HPSE2: variants seen among roughly 807,000 people sequenced by gnomAD.
HPSE2 encodes the protein inactive heparanase-2.
Under a neutral mutation model 60.5 loss-of-function variants are expected in HPSE2, and 38 were observed. That is an observed-to-expected ratio of 0.63 (90% CI 0.48 to 0.82). The LOEUF is 0.82. Ranked by LOEUF, HPSE2 falls within the 40% of genes least tolerant of loss-of-function variation. The pLI is 0.00. For missense variants in HPSE2, 713 were observed against 740.4 expected (o/e 0.96, Z 0.43); for synonymous variants, 295 against 293.2 (o/e 1.01, Z -0.06).
At position 98,482,674 on chromosome 10, in the gene HPSE2, G is replaced by A. The variant is rs767446891; in HGVS notation, c.1575C>T (p.Tyr525=). ...CCTCCTGCCCATAGGGCTGCAGCAG[G>A]TACTGGTGAACCAGCTTGTCTCTGA... The part of the protein sequence containing the change: ...GTLRDKLVHQ[Y]LLQPYGQEGL... The change falls in exon 11 of 12, where the codon TAC becomes TAT. Residue 525 remains tyrosine, a synonymous_variant. Coordinates refer to ENST00000370552, the MANE Select transcript of HPSE2 (RefSeq NM_021828.5). 1 of 1,614,186 alleles carries A rather than the reference G, an allele frequency of 6.2e-7. No homozygotes were observed. The highest frequency in any genetic ancestry group is 8.5e-7 in the Non-Finnish European group (1 of 1,180,038).
At chr10:98,811,196 C>G (rs1951161545) in intron 3 of HPSE2, among the ~76,000 whole-genome samples, 1 of 152,104 alleles carries the variant, frequency 6.6e-6, no homozygotes, top group Non-Finnish European at 1.5e-5. Context: ...AGTTCAAATG[C>G]TACTTTGTCA....
At chr10:98,681,830 A>T (rs1404137566) in intron 6 of HPSE2, among the ~76,000 whole-genome samples, 1 of 152,186 alleles carries the variant, frequency 6.6e-6, no homozygotes, top group Non-Finnish European at 1.5e-5. Context: ...GTTTTGGAAA[A>T]TATACTTTCC....
intron 3 of HPSE2, among the ~76,000 whole-genome samples, chr10:99,092,076 A>T (rs1457174663): frequency 2.6e-5 from 4 of 152,160 alleles, no homozygotes; most frequent in African/African-American, 9.7e-5. Flanking sequence ...AGAGTTACTG[A>T]TCAAATAAAA....
At chr10:98,744,339 C>T (rs550991292) in intron 3 of HPSE2, among the ~76,000 whole-genome samples, 9 of 152,010 alleles carry the variant, frequency 5.9e-5, no homozygotes, top group African/African-American at 1.9e-4. Flanking sequence ...ACCAGCCTGA[C>T]CAACCTGGAG....
At chr10:99,240,241 T>A (rs1849917190), upstream of HPSE2, among the ~76,000 whole-genome samples, 1 of 152,016 alleles carries the variant, frequency 6.6e-6, no homozygotes. Context: ...TATATTATTA[T>A]CATTTCATCT....
chr10:98,517,391 C>A (rs1942637391), intron 9 of HPSE2, among the ~76,000 whole-genome samples: 1 of 152,148 alleles, frequency 6.6e-6, no homozygotes, highest in Non-Finnish European at 1.5e-5. Flanking sequence ...ATTTGGAGAA[C>A]CGCTGATCTA....
intron 3 of HPSE2, among the ~76,000 whole-genome samples, chr10:98,964,148 C>A (rs570820408): frequency 6.6e-6 from 1 of 152,060 alleles, no homozygotes; most frequent in Non-Finnish European, 1.5e-5. Flanking sequence ...GTCACTACTG[C>A]CCTCTTGAAT....
chr10:98,939,223 C>A (rs1241271542), intron 3 of HPSE2, among the ~76,000 whole-genome samples: 2 of 143,696 alleles, frequency 1.4e-5, no homozygotes, highest in Non-Finnish European at 3.0e-5. Flanking sequence ...AGGATAAATT[C>A]ACACATAACA....
At chr10:99,069,704 T>C (rs557272204) in intron 3 of HPSE2, among the ~76,000 whole-genome samples, 1 of 151,746 alleles carries the variant, frequency 6.6e-6, no homozygotes, top group Non-Finnish European at 1.5e-5. Flanking sequence ...AAAATTGCAA[T>C]GATAATAGTC....
At chr10:99,253,541 A>G in the HPSE2 span, among the ~76,000 whole-genome samples, 1 of 152,132 alleles carries the variant, frequency 6.6e-6, no homozygotes, top group Non-Finnish European at 1.5e-5. Context: ...CTGGACATCA[A>G]CCTTTGGAAA....
chr10:99,106,854 C>G (rs1300865209), intron 3 of HPSE2, among the ~76,000 whole-genome samples: 1 of 151,938 alleles, frequency 6.6e-6, no homozygotes, highest in African/African-American at 2.4e-5. Context: ...CATTCTAGGC[C>G]TTTCTGACTC....
intron 2 of HPSE2, among the ~76,000 whole-genome samples, chr10:99,175,009 G>T (rs575051385): frequency 2.6e-5 from 4 of 152,136 alleles, no homozygotes; most frequent in Admixed American, 6.6e-5. Context: ...AAACCGCAAG[G>T]GGGTGGTGAA....
intron 3 of HPSE2, among the ~76,000 whole-genome samples, chr10:98,993,761 T>C (rs779545216): frequency 3.0e-4 from 45 of 152,170 alleles, no homozygotes; most frequent in Non-Finnish European, 5.4e-4. Flanking sequence ...CCAATCTGTA[T>C]AAATTTTTTC....
intron 9 of HPSE2, among the ~76,000 whole-genome samples, chr10:98,602,701 A>G (rs1013047850): frequency 1.3e-5 from 2 of 152,192 alleles, no homozygotes; most frequent in African/African-American, 4.8e-5. Context: ...AGATGATTAA[A>G]TGGGAAAAGA....
At chr10:98,724,011 T>C (rs1406819460) in intron 4 of HPSE2, among the ~76,000 whole-genome samples, 3 of 152,226 alleles carry the variant, frequency 2.0e-5, no homozygotes, top group African/African-American at 7.2e-5. Flanking sequence ...TGCTAGCTTT[T>C]GAATGTGTTT....
intron 6 of HPSE2, among the ~76,000 whole-genome samples, chr10:98,691,409 T>G (rs1047366403): frequency 2.0e-5 from 3 of 152,190 alleles, no homozygotes; most frequent in Admixed American, 1.3e-4. Flanking sequence ...AAAATGTATT[T>G]TTGCATCATA....
At chr10:99,137,506 A>G (rs1845704035) in intron 3 of HPSE2, among the ~76,000 whole-genome samples, 1 of 152,248 alleles carries the variant, frequency 6.6e-6, no homozygotes, top group African/African-American at 2.4e-5. Context: ...CTACAAGGCT[A>G]CAGTAACCAA....
chr10:98,619,548 G>T (rs924360520), intron 8 of HPSE2, among the ~76,000 whole-genome samples: 3 of 152,042 alleles, frequency 2.0e-5, no homozygotes, highest in African/African-American at 4.8e-5. Context: ...ATAGAACAAG[G>T]CCTCACTTCC....
In HPSE2 at chr10:98,819,390, C is replaced by T. The variant is rs188442237; in HGVS notation, c.611-75334G>A. On this transcript the variant is annotated intron_variant, in intron 3 of 11. Coordinates refer to ENST00000370552, the MANE Select transcript of HPSE2 (RefSeq NM_021828.5). ...CTTTAACAGTTTACAAATCTTTCCC[C>T]TTGCTTTTTCAATTAGGTTCTACAA... Among the ~76,000 whole-genome samples the T allele has an allele frequency of 2.9e-3, 438 of 150,080 alleles. 1 individual carries two copies. The highest frequency in any genetic ancestry group is 0.01 in the African/African-American group (418 of 40,890).
Sources: allele counts gnomAD v4.1 joint callset (sites outside exome capture counted in the v4.1 genomes callset), GRCh38; gene constraint gnomAD v4.1.1; transcripts MANE v1.5; gene names NCBI Gene and HGNC (gene_info 2026-07-23, HGNC 2026-07-21).